PDE1A: variants seen among roughly 807,000 people sequenced by gnomAD.
PDE1A encodes the protein phosphodiesterase 1A.
PDE1A carries 35 observed loss-of-function variants against 61.7 expected under a neutral mutation model. The ratio of observed to expected loss-of-function variants is 0.57; its 90% CI spans 0.43 to 0.75. The LOEUF (loss-of-function observed/expected upper bound fraction) is 0.75. Among genes scored for constraint, PDE1A ranks in the 30% least tolerant of loss-of-function variants. PDE1A has a pLI of 0.00. For synonymous variants in PDE1A, 232 were observed against 213.2 expected (o/e 1.09, Z -0.77); for missense variants, 597 against 630.6 (o/e 0.95, Z 0.57).
intron 1 of PDE1A, among the ~76,000 whole-genome samples, chr2:182,318,132 AC>A (rs1486509616): frequency 6.6e-6 from 1 of 152,110 alleles, no homozygotes; most frequent in African/African-American, 2.4e-5. Context: ...ACCTTTCTCT[AC>A]TTTCACAAAC....
the PDE1A span, among the ~76,000 whole-genome samples, chr2:182,561,357 G>C: frequency 2.0e-5 from 3 of 152,038 alleles, no homozygotes; most frequent in Admixed American, 6.6e-5. Flanking sequence ...TCAAAGATCA[G>C]ATAGTTGTAG....
the PDE1A span, among the ~76,000 whole-genome samples, chr2:182,576,051 T>A: frequency 6.6e-6 from 1 of 151,190 alleles, no homozygotes; most frequent in Non-Finnish European, 1.5e-5. Flanking sequence ...TTTTAAAAAT[T>A]GTGATAAAAT....
In PDE1A at chr2:182,420,392, T is replaced by C. The variant is rs377412267; in HGVS notation, c.53+6186A>G. Among the ~76,000 whole-genome samples the C allele has an allele frequency of 1.1e-4, 17 of 152,304 alleles. No homozygotes were observed. The East Asian group carries it at 1.5e-3, about 14-fold the overall frequency. On this transcript the variant is annotated intron_variant, in intron 1 of 13. Coordinates refer to ENST00000351439, the Ensembl canonical transcript of PDE1A. ...CTGGTGGGGATTTTCTTTTCCTACC[T>C]CAGTTGGAACTGACATAACTGCCAC... is the stretch of plus-strand genomic sequence containing the variant.
chr2:182,623,480 C>T, the PDE1A span, among the ~76,000 whole-genome samples: 3 of 152,170 alleles, frequency 2.0e-5, no homozygotes, highest in Non-Finnish European at 2.9e-5. Flanking sequence ...AGGGTTCTTA[C>T]CAGCAAACTG....
intron 10 of PDE1A, among the ~76,000 whole-genome samples, chr2:182,200,503 G>T (rs902437040): frequency 2.0e-5 from 3 of 152,190 alleles, no homozygotes; most frequent in African/African-American, 7.2e-5. Flanking sequence ...GACAAGGCAG[G>T]ATGGTGGTAC....
chr2:182,272,604 G>C (rs577248206), intron 1 of PDE1A, among the ~76,000 whole-genome samples: 1 of 152,234 alleles, frequency 6.6e-6, no homozygotes, highest in East Asian at 1.9e-4. Flanking sequence ...GGTAAGTTGG[G>C]AAGGGAAGTC....
At chr2:182,555,318 G>A in the PDE1A span, among the ~76,000 whole-genome samples, 3 of 152,136 alleles carry the variant, frequency 2.0e-5, no homozygotes, top group African/African-American at 4.8e-5. Context: ...AAGATACTCC[G>A]AGCGTTTGAT....
At chr2:182,297,018 G>A (rs866318023) in intron 1 of PDE1A, among the ~76,000 whole-genome samples, 2 of 152,178 alleles carry the variant, frequency 1.3e-5, no homozygotes, top group Middle Eastern at 6.8e-3. Flanking sequence ...CTGCTTTCTT[G>A]GGTCTCCAAC....
the PDE1A span, among the ~76,000 whole-genome samples, chr2:182,700,635 T>A: frequency 6.8e-6 from 1 of 146,664 alleles, no homozygotes; most frequent in Non-Finnish European, 1.5e-5. Context: ...GGCAGGAGAA[T>A]CGCTTTAATG....
downstream of PDE1A, among the ~76,000 whole-genome samples, chr2:182,165,992 G>A (rs776215323): frequency 6.6e-6 from 1 of 152,120 alleles, no homozygotes; most frequent in Non-Finnish European, 1.5e-5. Context: ...TTCTGAGGAT[G>A]GGATTAGTAC....
chr2:182,372,136 G>T (rs1700156206), intron 1 of PDE1A, among the ~76,000 whole-genome samples: 1 of 152,078 alleles, frequency 6.6e-6, no homozygotes, highest in Non-Finnish European at 1.5e-5. Flanking sequence ...TTTTTCAAAT[G>T]TGCATATCTT....
intron 2 of PDE1A, among the ~76,000 whole-genome samples, chr2:182,440,599 TAAATA>T (rs1409446543): frequency 6.6e-6 from 1 of 152,108 alleles, no homozygotes; most frequent in Non-Finnish European, 1.5e-5. Context: ...AGATATATTC[TAAATA>T]AAATACTTTT....
chr2:182,270,642 C>A (rs1692950766), intron 1 of PDE1A, among the ~76,000 whole-genome samples: 1 of 150,760 alleles, frequency 6.6e-6, no homozygotes, highest in African/African-American at 2.4e-5. Flanking sequence ...GATTGAAATA[C>A]AAAAGTGAAA....
intron 1 of PDE1A, among the ~76,000 whole-genome samples, chr2:182,345,745 G>A (rs1264839015): frequency 7.9e-5 from 12 of 152,084 alleles, no homozygotes; most frequent in Non-Finnish European, 1.3e-4. Context: ...TCCACTTCAA[G>A]TCTTTGCTCC....
At chr2:182,347,539 T>A (rs748078302) in intron 1 of PDE1A, among the ~76,000 whole-genome samples, 5 of 152,132 alleles carry the variant, frequency 3.3e-5, no homozygotes, top group African/African-American at 9.7e-5. Context: ...TCTGGTACAA[T>A]CATGGATTGA....
chr2:182,356,523 G>T (rs781132996), intron 1 of PDE1A, among the ~76,000 whole-genome samples: 1 of 152,076 alleles, frequency 6.6e-6, no homozygotes, highest in Non-Finnish European at 1.5e-5. Context: ...CCCGAAGCAG[G>T]CGGATCACTG....
At chr2:182,580,987 C>T in the PDE1A span, among the ~76,000 whole-genome samples, 1 of 152,096 alleles carries the variant, frequency 6.6e-6, no homozygotes, top group African/African-American at 2.4e-5. Context: ...GTCTGAAATA[C>T]CTTACCATCC....
chr2:182,455,990 T>C (rs62188296), intron 2 of PDE1A, among the ~76,000 whole-genome samples: 25,730 of 151,766 alleles, frequency 0.17, 2,542 homozygotes, highest in Middle Eastern at 0.35. Flanking sequence ...GTAAATTATA[T>C]TTAGATTATT....
At chr2:182,534,709 G>A in the PDE1A span, among the ~76,000 whole-genome samples, 2 of 151,352 alleles carry the variant, frequency 1.3e-5, no homozygotes, top group African/African-American at 4.8e-5. Context: ...GGCCTATCAT[G>A]TATGATGCAA....
Sources: allele counts gnomAD v4.1 joint callset (sites outside exome capture counted in the v4.1 genomes callset), GRCh38; gene constraint gnomAD v4.1.1; transcripts MANE v1.5; gene names NCBI Gene and HGNC (gene_info 2026-07-23, HGNC 2026-07-21).